Variants in UGT1A4 observed in about 807,000 individuals in gnomAD.
UGT1A4 encodes UDP glucuronosyltransferase family 1 member A4.
A neutral mutation model predicts 41.1 loss-of-function variants in UGT1A4; 32 were observed. The ratio of observed to expected loss-of-function variants is 0.78; its 90% CI spans 0.59 to 1.05. The LOEUF is 1.05. Ranked by LOEUF, UGT1A4 falls within the 50% of genes least tolerant of loss-of-function variation. The pLI is 0.00. For missense variants in UGT1A4, 748 were observed against 677.4 expected (o/e 1.10, Z -1.16); for synonymous variants, 283 against 265.1 (o/e 1.07, Z -0.66).
chr2:233,769,913 C>T lies in UGT1A4; in HGVS notation c.1307+1474C>T, dbSNP rs1699980310. 1.3e-5 allele frequency: 4 copies of T among 297,694 alleles called. No homozygotes were observed. The highest frequency in any genetic ancestry group is 6.9e-5 in the East Asian group (1 of 14,586). 18.4% of individuals were successfully genotyped at this position (297,694 alleles called of 1,614,324 possible). ...TAACCTGAGCATCATGTGCCCAGAG[C>T]GTTGGGTGGTGTGGTCCCATTCCTT... On this transcript the variant is annotated intron_variant, in intron 4 of 4. Transcript: ENST00000373409. The surrounding 1 kb of genome is among the most constrained non-coding windows in gnomAD (Gnocchi z 4.4).
At chr2:233,758,753 G>A (rs1048074282) in intron 1 of UGT1A4, among the ~76,000 whole-genome samples, 17 of 152,318 alleles carry the variant, frequency 1.1e-4, no homozygotes, top group Middle Eastern at 6.8e-3. Flanking sequence ...GCTGGCCAGT[G>A]ATGTGTATGG....
rs1267717516 is a variant in UGT1A4, at chr2:233,755,162, G to A, written c.868-11872G>A. 1.3e-4 allele frequency: 162 copies of A among 1,279,924 alleles called. 2 individuals carry two copies. The highest frequency in any genetic ancestry group is 5.7e-5 in the Admixed American group (3 of 52,216). The allele number at this position is 1,279,924 out of a possible 1,614,324, so 79.3% of individuals were successfully genotyped here. A position where few individuals can be genotyped will look rare whatever the true frequency, so the allele number is the denominator to read the frequency against. Reference sequence around the variant, plus strand: ...TTCTCACCGCTTCCTCCCTGTCCTCGGGGTTTTTGTCGGGGTGCCACTTGA... The same window carrying A: ...TTCTCACCGCTTCCTCCCTGTCCTCAGGGTTTTTGTCGGGGTGCCACTTGA... On this transcript the variant is annotated intron_variant, in intron 1 of 4. Coordinates refer to ENST00000373409, the MANE Select transcript of UGT1A4 (RefSeq NM_007120.3).
At chr2:233,744,245 C>T (rs1692747856) in intron 1 of UGT1A4, among the ~76,000 whole-genome samples, 1 of 151,742 alleles carries the variant, frequency 6.6e-6, no homozygotes, top group Non-Finnish European at 1.5e-5. Flanking sequence ...ACTTTGGCTG[C>T]CTGAAGAACT....
intron 1 of UGT1A4, among the ~76,000 whole-genome samples, chr2:233,737,453 A>G (rs1465600831): frequency 6.6e-6 from 1 of 152,182 alleles, no homozygotes; most frequent in Non-Finnish European, 1.5e-5. Context: ...TTTTCCAGGT[A>G]CAGTCTGTCA....
At chr2:233,746,742 CAAAGCAGAGATT>C (rs1462654911) in intron 1 of UGT1A4, among the ~76,000 whole-genome samples, 1 of 151,752 alleles carries the variant, frequency 6.6e-6, no homozygotes, top group East Asian at 1.9e-4. Context: ...GCTTTGGTTC[CAAAGCAGAGATT>C]AATTGGATTG....
intron 1 of UGT1A4, among the ~76,000 whole-genome samples, chr2:233,751,872 G>C (rs151015857): frequency 6.6e-6 from 1 of 152,110 alleles, no homozygotes; most frequent in Non-Finnish European, 1.5e-5. Context: ...AAATTACCCC[G>C]TCTTGGGTAT....
At chr2:233,756,056 A>G (rs1035647864) in intron 1 of UGT1A4, 1 of 152,220 alleles carries the variant, frequency 6.6e-6, no homozygotes, top group African/African-American at 2.4e-5. Context: ...TCCACTGTAC[A>G]CTTGTGGGAG....
intron 1 of UGT1A4, among the ~76,000 whole-genome samples, chr2:233,732,114 C>A (rs1362758962): frequency 6.7e-6 from 1 of 148,542 alleles, no homozygotes; most frequent in Non-Finnish European, 1.5e-5. Flanking sequence ...TATCCTTTGC[C>A]CACTTTTTGA....
chr2:233,752,072 T>C (rs1694888603), intron 1 of UGT1A4, among the ~76,000 whole-genome samples: 1 of 152,194 alleles, frequency 6.6e-6, no homozygotes, highest in Non-Finnish European at 1.5e-5. Flanking sequence ...GATGGGGAAG[T>C]CTCTCTACCT....
chr2:233,747,799 A>C, intron 1 of UGT1A4: 1 of 1,613,474 alleles, frequency 6.2e-7, no homozygotes, highest in Non-Finnish European at 8.5e-7. Context: ...TATATTCCTA[A>C]GTTACTAACG....
chr2:233,736,156 G>A (rs1226019844), intron 1 of UGT1A4, among the ~76,000 whole-genome samples: 4 of 152,192 alleles, frequency 2.6e-5, no homozygotes, highest in East Asian at 1.9e-4. Context: ...CCAGTCAAAC[G>A]TAGATTTGGT....
intron 1 of UGT1A4, among the ~76,000 whole-genome samples, chr2:233,725,654 C>T (rs918402674): frequency 3.9e-4 from 59 of 152,204 alleles, no homozygotes; most frequent in African/African-American, 1.3e-3. Context: ...TACAGCATAT[C>T]TCAATTTGGA....
intron 1 of UGT1A4, among the ~76,000 whole-genome samples, chr2:233,737,441 G>A (rs780915851): frequency 1.6e-4 from 24 of 152,174 alleles, no homozygotes; most frequent in Non-Finnish European, 2.1e-4. Flanking sequence ...GGAGTGTCCC[G>A]TTTTTCCAGG....
intron 1 of UGT1A4, among the ~76,000 whole-genome samples, chr2:233,725,285 GGCAGAGGCAGAGGCA>G: frequency 1.1e-5 from 1 of 89,706 alleles, no homozygotes; most frequent in East Asian, 3.3e-4. Flanking sequence ...CAGAGGCAGA[GGCAGAGGCAGAGGCA>G]GAGGCAGAGG....
chr2:233,766,907 C>G (rs1383334189), intron 1 of UGT1A4, 127 bp from the exon 2 acceptor site: 28 of 1,506,666 alleles, frequency 1.9e-5, no homozygotes, highest in African/African-American at 1.4e-5. Flanking sequence ...TAATTTTTTA[C>G]TCTATCTCAA....
chr2:233,724,361 G>C (rs2077237961), intron 1 of UGT1A4, among the ~76,000 whole-genome samples: 2 of 148,044 alleles, frequency 1.4e-5, no homozygotes, highest in African/African-American at 2.5e-5. Context: ...CTCCCTCCCG[G>C]ACGGGGTGGC....
At chr2:233,755,053 C>CCCTCG (rs778721180) in intron 1 of UGT1A4, 9 of 1,332,572 alleles carry the variant, frequency 6.8e-6, no homozygotes, top group Non-Finnish European at 6.1e-6. Flanking sequence ...CCGCCCTCCG[C>CCCTCG]CCTCGCCTCG....
At position 233,719,378 on chromosome 2, in the gene UGT1A4, G is replaced by C; in HGVS notation, c.558G>C (p.Gln186His). 6.2e-7 allele frequency: 1 copy of C among 1,613,952 alleles called. No individual in the cohort carries two copies. Among genetic ancestry groups the C allele is most frequent in the Non-Finnish European group, 8.5e-7 (1 of 1,179,876 alleles). Residue 186 changes from glutamine to histidine, a missense_variant, in exon 1 of 5, where the codon CAG (glutamine) becomes CAC (histidine). Gln to His is a conservative substitution (Grantham distance 24, BLOSUM62 0). Coordinates refer to ENST00000373409, the MANE Select transcript of UGT1A4 (RefSeq NM_007120.3). ...GTGACTTAGACTTTAAGGGCACACA[G>C]TGTCCAAATCCTTCCTCCTATATTC... Reference protein sequence around the residue: ...IPCDLDFKGTQCPNPSSYIPK... With the variant: ...IPCDLDFKGTHCPNPSSYIPK...
At chr2:233,757,771 A>G (rs925177118) in intron 1 of UGT1A4, among the ~76,000 whole-genome samples, 1 of 151,622 alleles carries the variant, frequency 6.6e-6, no homozygotes, top group Non-Finnish European at 1.5e-5. Context: ...CTTTAGTAAT[A>G]AGCCTGTCAT....
Sources: gnomAD v4.1 joint callset for allele counts (sites outside exome capture counted in the v4.1 genomes callset) on GRCh38, gnomAD v4.1.1 for gene constraint, Gnocchi (gnomAD v3.1) non-coding constraint, MANE v1.5 for transcripts, NCBI Gene and HGNC (gene_info 2026-07-23, HGNC 2026-07-21) for gene names.